The following CADM2 variants were observed in gnomAD, a reference collection of about 807,000 sequenced individuals.
The protein encoded by CADM2 is cell adhesion molecule 2, also known as immunoglobulin superfamily member 4D.
CADM2 carries 12 observed loss-of-function variants against 49.8 expected under a neutral mutation model. The observed-to-expected ratio is 0.24, with a 90% confidence interval of 0.15 to 0.39. The LOEUF is 0.39. CADM2 is among the 10% of genes least tolerant of loss of function. The pLI is 1.00. For missense variants in CADM2, 378 were observed against 492.3 expected, an observed-to-expected ratio of 0.77 and a Z score of 2.20; for synonymous variants, 214 against 175.4, an observed-to-expected ratio of 1.22 and a Z score of -1.74.
intron 1 of CADM2, among the ~76,000 whole-genome samples, chr3:85,509,058 A>G (rs1189912690): frequency 1.3e-5 from 2 of 152,194 alleles, no homozygotes; most frequent in Admixed American, 1.3e-4. Context: ...AGAAAAAGGA[A>G]TGATGATCTC....
At chr3:85,228,866 T>G (rs552164140) in intron 1 of CADM2, among the ~76,000 whole-genome samples, 47 of 152,314 alleles carry the variant, frequency 3.1e-4, no homozygotes, top group Non-Finnish European at 5.7e-4. Context: ...GGAGAACCAC[T>G]GCTCTCTTCA....
At chr3:85,453,108 C>T (rs1340938115) in intron 1 of CADM2, among the ~76,000 whole-genome samples, 1 of 152,026 alleles carries the variant, frequency 6.6e-6, no homozygotes, top group East Asian at 1.9e-4. Flanking sequence ...TATTTGTTTA[C>T]CTGAAATAAC....
intron 1 of CADM2, among the ~76,000 whole-genome samples, chr3:85,376,337 CT>C (rs1386820977): frequency 6.6e-6 from 1 of 151,984 alleles, no homozygotes; most frequent in Non-Finnish European, 1.5e-5. Flanking sequence ...TGAGAGAAGG[CT>C]TTTGTATAAT....
intron 6 of CADM2, among the ~76,000 whole-genome samples, chr3:85,913,915 T>G (rs571177756): frequency 1.1e-3 from 171 of 152,190 alleles, no homozygotes; most frequent in African/African-American, 4.1e-3. Flanking sequence ...AGCTTGTTTG[T>G]TGTTTTTATT....
chr3:85,748,562 T>A (rs1253704237), intron 2 of CADM2, among the ~76,000 whole-genome samples: 1 of 152,088 alleles, frequency 6.6e-6, no homozygotes, highest in African/African-American at 2.4e-5. Context: ...TGGAGAAGAC[T>A]GGAAGAGAGA....
chr3:85,507,274 C>G (rs2040398570), intron 1 of CADM2, among the ~76,000 whole-genome samples: 1 of 150,598 alleles, frequency 6.6e-6, no homozygotes, highest in Non-Finnish European at 1.5e-5. Context: ...ACCTCCACCT[C>G]CCTCCCATGT....
At chr3:86,015,511 T>G (rs1416456341) in intron 8 of CADM2, among the ~76,000 whole-genome samples, 1 of 152,186 alleles carries the variant, frequency 6.6e-6, no homozygotes, top group Admixed American at 6.5e-5. Flanking sequence ...AATGTTATAG[T>G]GACACCCACA....
intron 3 of CADM2, among the ~76,000 whole-genome samples, chr3:85,850,981 G>T (rs1393809254): frequency 6.6e-6 from 1 of 151,996 alleles, no homozygotes. Context: ...GGGAGGAAGG[G>T]TCTTATTTAT....
At chr3:85,570,366 C>T (rs551615239) in intron 1 of CADM2, among the ~76,000 whole-genome samples, 15 of 152,038 alleles carry the variant, frequency 9.9e-5, no homozygotes, top group African/African-American at 3.6e-4. Flanking sequence ...TTACGAAGCT[C>T]AAGTACTAAG....
intron 1 of CADM2, among the ~76,000 whole-genome samples, chr3:85,400,547 T>C (rs556170417): frequency 6.6e-6 from 1 of 152,336 alleles, no homozygotes; most frequent in African/African-American, 2.4e-5. Context: ...TTTTTACCTC[T>C]GGTAGAATTC....
At chr3:85,260,954 T>C (rs2043001927) in intron 1 of CADM2, among the ~76,000 whole-genome samples, 1 of 152,142 alleles carries the variant, frequency 6.6e-6, no homozygotes, top group Non-Finnish European at 1.5e-5. Context: ...TAGCCGTGAC[T>C]CCTGCGCTCC....
intron 1 of CADM2, among the ~76,000 whole-genome samples, chr3:85,602,293 T>C (rs1559936634): frequency 6.6e-6 from 1 of 151,738 alleles, no homozygotes; most frequent in Non-Finnish European, 1.5e-5. Flanking sequence ...TTGGACAAAT[T>C]ACCCTAGGAA....
chr3:85,957,148 G>A (rs535932083), intron 7 of CADM2, among the ~76,000 whole-genome samples: 2 of 151,664 alleles, frequency 1.3e-5, no homozygotes, highest in South Asian at 4.2e-4. Context: ...GATGTACATA[G>A]CACAAGACAA....
chr3:85,181,171 A>G (rs1241782254), intron 1 of CADM2, among the ~76,000 whole-genome samples: 1 of 152,176 alleles, frequency 6.6e-6, no homozygotes, highest in African/African-American at 2.4e-5. Flanking sequence ...AAAGTAGAGC[A>G]TGCATACAAA....
chr3:85,288,784 G>GCCCCCC (rs60466682), intron 1 of CADM2, among the ~76,000 whole-genome samples: 3 of 88,258 alleles, frequency 3.4e-5, no homozygotes, highest in East Asian at 3.1e-4. Context: ...TTACCAATAT[G>GCCCCCC]CCCCCCCCCC....
chr3:85,771,441 G>A (rs1380423686), intron 2 of CADM2, among the ~76,000 whole-genome samples: 2 of 152,024 alleles, frequency 1.3e-5, no homozygotes, highest in Non-Finnish European at 2.9e-5. Flanking sequence ...GGAAAACAAA[G>A]CTTGCTTATA....
intron 8 of CADM2, among the ~76,000 whole-genome samples, chr3:86,040,848 A>T (rs974584664): frequency 3.3e-5 from 5 of 152,364 alleles, no homozygotes; most frequent in Admixed American, 3.3e-4. Flanking sequence ...CGGGTTACCC[A>T]CAAAGTGAAG....
chr3:85,115,091 A>G (rs972642796), intron 1 of CADM2, among the ~76,000 whole-genome samples: 7 of 152,194 alleles, frequency 4.6e-5, no homozygotes, highest in African/African-American at 1.7e-4. Flanking sequence ...AGAAGAGCCA[A>G]TGATGATTTA....
intron 1 of CADM2, among the ~76,000 whole-genome samples, chr3:85,536,497 CATTT>C (rs2061426442): frequency 6.6e-6 from 1 of 151,022 alleles, no homozygotes; most frequent in Non-Finnish European, 1.5e-5. Context: ...TAAAAAATGA[CATTT>C]ATTATTTTCA....
Sources: gnomAD v4.1 joint callset for allele counts (sites outside exome capture counted in the v4.1 genomes callset) on GRCh38, gnomAD v4.1.1 for gene constraint, MANE v1.5 for transcripts, NCBI Gene and HGNC (gene_info 2026-07-23, HGNC 2026-07-21) for gene names.